GRIK2: variants seen among roughly 807,000 people sequenced by gnomAD.
GRIK2 encodes glutamate receptor ionotropic, kainate 2.
GRIK2 carries 32 observed loss-of-function variants against 100.3 expected under a neutral mutation model. The observed-to-expected ratio is 0.32, with a 90% confidence interval of 0.24 to 0.43. GRIK2 has a LOEUF of 0.43. GRIK2 is among the 20% of genes least tolerant of loss of function. The pLI is 1.00. For synonymous variants in GRIK2, 417 were observed against 389.4 expected (o/e 1.07, Z -0.83); for missense variants, 843 against 1,114.9 (o/e 0.76, Z 3.47).
In GRIK2 at chr6:101,889,643, G is replaced by A; in HGVS notation, c.1528G>A (p.Ala510Thr). ...TTTTGTTTGTTTCTGTCTACAGAAA[G>A]CTGACCTTGCAGTTGCTCCACTGGC... is the stretch of plus-strand genomic sequence containing the variant. ...GMVRELIDHK[A>T]DLAVAPLAIT... The change falls in exon 12 of 17, where the codon GCT becomes ACT. Residue 510 changes from alanine to threonine, a missense_variant. Ala to Thr is a moderately conservative substitution (Grantham distance 58). Coordinates refer to ENST00000369134, the MANE Select transcript of GRIK2 (RefSeq NM_021956.5). The A allele has an allele frequency of 7.5e-7, 1 of 1,330,556 alleles. No individual in the cohort carries two copies. Among genetic ancestry groups the A allele is most frequent in the Non-Finnish European group, 1.0e-6 (1 of 952,686 alleles). 82.4% of individuals were successfully genotyped at this position (1,330,556 alleles called of 1,614,324 possible).
intron 14 of GRIK2, among the ~76,000 whole-genome samples, chr6:102,030,386 TCTTCAGGGTTGTA>T (rs1329318604): frequency 3.3e-5 from 5 of 151,272 alleles, no homozygotes; most frequent in Non-Finnish European, 7.4e-5. Flanking sequence ...GATCTGCTCA[TCTTCAGGGTTGTA>T]CTTTTTATTT....
At chr6:101,743,390 C>A (rs190836182) in intron 7 of GRIK2, among the ~76,000 whole-genome samples, 1 of 152,268 alleles carries the variant, frequency 6.6e-6, no homozygotes, top group Admixed American at 6.5e-5. Context: ...TTTGGTGGGC[C>A]TAATCAGGTC....
At chr6:101,957,931 C>G (rs1208121514) in intron 14 of GRIK2, among the ~76,000 whole-genome samples, 1 of 151,902 alleles carries the variant, frequency 6.6e-6, no homozygotes, top group Non-Finnish European at 1.5e-5. Context: ...GTTACTGTAA[C>G]CTTGTAGTAT....
intron 7 of GRIK2, among the ~76,000 whole-genome samples, chr6:101,751,359 A>G (rs1280859119): frequency 2.6e-5 from 4 of 152,200 alleles, no homozygotes; most frequent in Non-Finnish European, 5.9e-5. Flanking sequence ...TTCAAAAATT[A>G]TGAACTCACT....
chr6:101,436,192 A>G (rs1403400066), intron 2 of GRIK2, among the ~76,000 whole-genome samples: 1 of 152,106 alleles, frequency 6.6e-6, no homozygotes, highest in African/African-American at 2.4e-5. Flanking sequence ...ATACTTAAAT[A>G]TTAATATAGC....
intron 14 of GRIK2, among the ~76,000 whole-genome samples, chr6:101,943,674 A>G (rs1192480891): frequency 1.3e-5 from 2 of 152,192 alleles, no homozygotes; most frequent in Non-Finnish European, 2.9e-5. Context: ...TTGGAATTCC[A>G]TGGGGCCTGT....
chr6:102,017,795 C>T (rs1486630820), intron 14 of GRIK2, among the ~76,000 whole-genome samples: 1 of 152,050 alleles, frequency 6.6e-6, no homozygotes, highest in East Asian at 1.9e-4. Context: ...AGATTCTTTC[C>T]TCAGGTGTGT....
At chr6:101,760,240 G>A (rs949878521) in intron 7 of GRIK2, among the ~76,000 whole-genome samples, 1 of 144,018 alleles carries the variant, frequency 6.9e-6, no homozygotes, top group Non-Finnish European at 1.5e-5. Flanking sequence ...AAATACCTGT[G>A]AAAGTTTTTA....
In GRIK2 at chr6:101,963,509, C is replaced by CTTTTTT. The variant is rs770178884; in HGVS notation, c.2085+34888_2085+34893dup. Among the ~76,000 whole-genome samples the CTTTTTT allele has an allele frequency of 2.6e-3, 279 of 106,064 alleles. 1 individual carries two copies. The highest frequency in any genetic ancestry group is 7.1e-3 in the African/African-American group (186 of 26,170). The allele number at this position is 106,064 out of a possible 152,430, so 69.6% of individuals were successfully genotyped here. ...TTTTTCTCTTTTTCTTTCTTTCTTT[C>CTTTTTT]TTTTTTTTTTTTTTTTGTATTTTTA... On this transcript the variant is annotated intron_variant, in intron 14 of 16. Coordinates refer to ENST00000369134, the MANE Select transcript of GRIK2 (RefSeq NM_021956.5).
intron 7 of GRIK2, among the ~76,000 whole-genome samples, chr6:101,798,147 T>C (rs1780442074): frequency 6.6e-6 from 1 of 151,632 alleles, no homozygotes; most frequent in African/African-American, 2.4e-5. Context: ...TGGGTTAAAA[T>C]AAACATAAAT....
chr6:101,469,688 C>A (rs931705777), intron 2 of GRIK2, among the ~76,000 whole-genome samples: 1 of 152,104 alleles, frequency 6.6e-6, no homozygotes, highest in Admixed American at 6.6e-5. Flanking sequence ...TTAATAATAT[C>A]CTGAACAGAT....
chr6:101,987,585 T>TAAAC (rs1794088096), intron 14 of GRIK2, among the ~76,000 whole-genome samples: 1 of 150,972 alleles, frequency 6.6e-6, no homozygotes, highest in Non-Finnish European at 1.5e-5. Context: ...GACATCCTAT[T>TAAAC]AAACACTATT....
intron 12 of GRIK2, chr6:101,891,523 A>C (rs1375512176): frequency 2.6e-6 from 1 of 388,800 alleles, no homozygotes; most frequent in Non-Finnish European, 5.0e-6. Context: ...TCTCAAAAAA[A>C]AAAAAAAAAA....
intron 14 of GRIK2, among the ~76,000 whole-genome samples, chr6:102,016,695 A>G (rs1281294733): frequency 6.6e-6 from 1 of 152,072 alleles, no homozygotes; most frequent in African/African-American, 2.4e-5. Context: ...AACTTGGAAA[A>G]TATATTTCAA....
intron 2 of GRIK2, among the ~76,000 whole-genome samples, chr6:101,512,522 C>T (rs1774372228): frequency 6.6e-6 from 1 of 152,076 alleles, no homozygotes; most frequent in Non-Finnish European, 1.5e-5. Flanking sequence ...TTCCATCTCA[C>T]TTGAAGTTAA....
intron 10 of GRIK2, among the ~76,000 whole-genome samples, chr6:101,852,159 C>T (rs956428283): frequency 5.9e-5 from 9 of 151,926 alleles, no homozygotes; most frequent in African/African-American, 1.5e-4. Context: ...GGCAAATTGT[C>T]GATCTTTGTT....
chr6:101,410,696 A>T, intron 2 of GRIK2, among the ~76,000 whole-genome samples: 1 of 152,108 alleles, frequency 6.6e-6, no homozygotes. Flanking sequence ...AAAAATTTTA[A>T]ACTTCAATGT....
rs975129912 is a variant in GRIK2, at chr6:102,069,251, C to T, written c.*740C>T. The T allele has an allele frequency of 8.1e-5, 12 of 147,772 alleles. No individual in the cohort carries two copies. Among genetic ancestry groups the T allele is most frequent in the African/African-American group, 2.5e-4 (10 of 40,664 alleles). 9.2% of individuals were successfully genotyped at this position (147,772 alleles called of 1,614,324 possible). ...GATTTAACATGCAATTCTACCAGATCCCTTCCTATTCCCCCAACACCTTTT... is the reference window on the plus strand; with the variant it reads ...GATTTAACATGCAATTCTACCAGATTCCTTCCTATTCCCCCAACACCTTTT... On this transcript the variant is annotated 3_prime_UTR_variant, in exon 17 of 17. Transcript: ENST00000369134.
chr6:101,771,621 G>A (rs1230412532), intron 7 of GRIK2, among the ~76,000 whole-genome samples: 2 of 151,420 alleles, frequency 1.3e-5, no homozygotes, highest in African/African-American at 4.9e-5. Flanking sequence ...CCATGTTGGT[G>A]TGCTGCATCC....
Sources: gnomAD v4.1 joint callset for allele counts (sites outside exome capture counted in the v4.1 genomes callset) on GRCh38, gnomAD v4.1.1 for gene constraint, MANE v1.5 for transcripts, NCBI Gene and HGNC (gene_info 2026-07-23, HGNC 2026-07-21) for gene names.